Variants in SIPA1L2 observed in about 807,000 individuals in gnomAD.
The protein encoded by SIPA1L2 is signal-induced proliferation-associated 1-like protein 2.
SIPA1L2 carries 56 observed loss-of-function variants against 163.9 expected under a neutral mutation model. That is an observed-to-expected ratio of 0.34 (90% confidence interval 0.28 to 0.43). SIPA1L2 has a LOEUF of 0.43. SIPA1L2 is among the 20% of genes least tolerant of loss of function. The pLI, the probability that SIPA1L2 is intolerant of heterozygous loss-of-function variation, is 1.00. For missense variants in SIPA1L2, 1,974 were observed against 2,193.5 expected (o/e 0.90, Z 2.00); for synonymous variants, 877 against 865.7 (o/e 1.01, Z -0.23).
intron 2 of SIPA1L2, among the ~76,000 whole-genome samples, chr1:232,547,665 A>C (rs775070861): frequency 6.6e-5 from 10 of 152,162 alleles, no homozygotes; most frequent in Non-Finnish European, 1.5e-4. Context: ...GAAGAACACC[A>C]GCATTGCCAT....
intron 10 of SIPA1L2, among the ~76,000 whole-genome samples, chr1:232,449,517 CA>C (rs33934850): frequency 0.16 from 13,086 of 80,086 alleles, 891 homozygotes; most frequent in East Asian, 0.52. Context: ...GACTCCGTCT[CA>C]AAAAAAAAAA....
intron 2 of SIPA1L2, among the ~76,000 whole-genome samples, chr1:232,531,298 AC>A (rs1304469196): frequency 6.6e-6 from 1 of 152,062 alleles, no homozygotes; most frequent in Non-Finnish European, 1.5e-5. Flanking sequence ...CACCTGAGCC[AC>A]CCCAACCTCC....
chr1:232,584,273 G>A (rs1199869437), intron 1 of SIPA1L2, among the ~76,000 whole-genome samples: 2 of 152,116 alleles, frequency 1.3e-5, no homozygotes, highest in Admixed American at 6.5e-5. Flanking sequence ...TCAGCAGGCT[G>A]GAGTATAGTG....
At chr1:232,613,547 C>A (rs952666699) in intron 1 of SIPA1L2, among the ~76,000 whole-genome samples, 1 of 152,130 alleles carries the variant, frequency 6.6e-6, no homozygotes, top group African/African-American at 2.4e-5. Flanking sequence ...TGTCTTCCAG[C>A]AATTCTGGAA....
At chr1:232,493,837 A>G (rs1320851888) in intron 3 of SIPA1L2, among the ~76,000 whole-genome samples, 177 bp from the exon 4 acceptor site, 2 of 152,172 alleles carry the variant, frequency 1.3e-5, no homozygotes, top group Non-Finnish European at 2.9e-5. Flanking sequence ...GCACGCCTAC[A>G]TCTCATTTTC....
chr1:232,620,149 C>T lies in SIPA1L2; in HGVS notation c.-319+9720G>A, dbSNP rs375181912. On this transcript the variant is annotated intron_variant, in intron 1 of 22. Transcript: ENST00000674635. ...CCGCCCGCCTCAGCCTCCCAAAGTG[C>T]TGGGATTATGGGCATGAGCCACCAC... Among the ~76,000 whole-genome samples the T allele has an allele frequency of 3.7e-3, 568 of 152,344 alleles. 1 individual carries two copies. The highest frequency in any genetic ancestry group is 0.013 in the African/African-American group (540 of 41,588).
intron 1 of SIPA1L2, among the ~76,000 whole-genome samples, chr1:232,620,615 G>A (rs562360306): frequency 6.3e-4 from 96 of 152,316 alleles, no homozygotes; most frequent in African/African-American, 2.3e-3. Flanking sequence ...GACGCACAGC[G>A]ACAGCAGCCA....
At chr1:232,404,225 T>C (rs1164075836) in intron 19 of SIPA1L2, 47 bp from the exon 20 acceptor site, 1 of 1,581,452 alleles carries the variant, frequency 6.3e-7, no homozygotes, top group Admixed American at 1.7e-5. Flanking sequence ...TATCTCTCTA[T>C]ACTTGAGAAT....
At chr1:232,433,542 A>T (rs1662373979) in intron 15 of SIPA1L2, among the ~76,000 whole-genome samples, 1 of 152,210 alleles carries the variant, frequency 6.6e-6, no homozygotes, top group Non-Finnish European at 1.5e-5. Flanking sequence ...ATACAACAGC[A>T]ACAATACTGA....
chr1:232,497,702 T>C (rs901806066), intron 3 of SIPA1L2, among the ~76,000 whole-genome samples: 2 of 152,196 alleles, frequency 1.3e-5, no homozygotes, highest in African/African-American at 4.8e-5. Flanking sequence ...CCAGGTGAGA[T>C]TGCTTTCTGG....
At chr1:232,625,518 G>A (rs753027976) in intron 1 of SIPA1L2, among the ~76,000 whole-genome samples, 8 of 152,164 alleles carry the variant, frequency 5.3e-5, no homozygotes, top group South Asian at 2.1e-4. Flanking sequence ...TGTGATTAAC[G>A]GCTCGGCAGG....
chr1:232,452,678 T>G (rs1006683635), intron 10 of SIPA1L2, among the ~76,000 whole-genome samples: 1 of 152,214 alleles, frequency 6.6e-6, no homozygotes, highest in African/African-American at 2.4e-5. Flanking sequence ...AGACCATCAC[T>G]GTTTGAGTCT....
At chr1:232,524,432 C>A (rs1341635159) in intron 2 of SIPA1L2, among the ~76,000 whole-genome samples, 1 of 152,128 alleles carries the variant, frequency 6.6e-6, no homozygotes, top group Non-Finnish European at 1.5e-5. Flanking sequence ...CAGACAGATG[C>A]AAACTGGCAG....
intron 5 of SIPA1L2, among the ~76,000 whole-genome samples, chr1:232,485,410 T>C (rs556747212): frequency 1.3e-5 from 2 of 152,236 alleles, no homozygotes; most frequent in East Asian, 1.9e-4. Context: ...GCTACTACTT[T>C]AGTAGGGTCA....
intron 3 of SIPA1L2, among the ~76,000 whole-genome samples, chr1:232,499,703 T>G (rs536119349): frequency 2.5e-4 from 38 of 152,326 alleles, no homozygotes; most frequent in African/African-American, 7.7e-4. Flanking sequence ...ACAACACACT[T>G]TCAATACAGA....
chr1:232,399,772 T>C (rs1660221300), intron 22 of SIPA1L2, among the ~76,000 whole-genome samples: 1 of 152,166 alleles, frequency 6.6e-6, no homozygotes, highest in Non-Finnish European at 1.5e-5. Flanking sequence ...TGTGTAAAAA[T>C]AATCAAGACT....
intron 1 of SIPA1L2, among the ~76,000 whole-genome samples, chr1:232,585,989 T>C (rs1660635960): frequency 6.6e-6 from 1 of 151,976 alleles, no homozygotes; most frequent in South Asian, 2.1e-4. Flanking sequence ...AAGAGAAAAC[T>C]ATGAAGGAAA....
intron 14 of SIPA1L2, among the ~76,000 whole-genome samples, chr1:232,440,905 G>A (rs926038797): frequency 6.6e-6 from 1 of 152,160 alleles, no homozygotes; most frequent in Non-Finnish European, 1.5e-5. Flanking sequence ...TTAAATCATC[G>A]ATGACTGTAC....
At chr1:232,570,815 T>A (rs1659683641) in intron 2 of SIPA1L2, among the ~76,000 whole-genome samples, 1 of 151,916 alleles carries the variant, frequency 6.6e-6, no homozygotes, top group African/African-American at 2.4e-5. Flanking sequence ...AAAATTTAGA[T>A]CTGCAACTCA....
Sources: allele counts gnomAD v4.1 joint callset (sites outside exome capture counted in the v4.1 genomes callset), GRCh38; gene constraint gnomAD v4.1.1; transcripts MANE v1.5; gene names NCBI Gene and HGNC (gene_info 2026-07-23, HGNC 2026-07-21).